SLC9A6: variants seen among roughly 807,000 people sequenced by gnomAD.
SLC9A6 encodes sodium/hydrogen exchanger 6.
SLC9A6 carries 6 observed loss-of-function variants against 45.3 expected under a neutral mutation model. That is an observed-to-expected ratio of 0.13 (90% CI 0.07 to 0.26). SLC9A6 has a LOEUF of 0.26. Ranked by LOEUF, SLC9A6 falls within the 10% of genes least tolerant of loss-of-function variation. The pLI is 1.00. For synonymous variants in SLC9A6, 191 were observed against 187.7 expected (o/e 1.02, Z -0.14); for missense variants, 278 against 503.7 (o/e 0.55, Z 4.29).
chrX:136,039,297 CAA>C (rs781946482), intron 16 of SLC9A6, among the ~76,000 whole-genome samples: 12 of 86,303 alleles, frequency 1.4e-4, no homozygotes, highest in African/African-American at 2.1e-4. Context: ...GACACTGTCT[CAA>C]AAAAAAAAAA....
At chrX:136,015,142 C>A in intron 10 of SLC9A6, among the ~76,000 whole-genome samples, 1 of 113,134 alleles carries the variant, frequency 8.8e-6, no homozygotes, top group South Asian at 3.6e-4. Context: ...TCTTTCCATC[C>A]ATTTTTAATT....
At chrX:136,019,350 C>T (rs1266838171) in intron 11 of SLC9A6, among the ~76,000 whole-genome samples, 1 of 112,456 alleles carries the variant, frequency 8.9e-6, no homozygotes, top group East Asian at 2.8e-4. Flanking sequence ...TCACCCCTGT[C>T]TGCCCGTTGC....
chrX:136,041,887 G>C (rs2071517691), intron 17 of SLC9A6, among the ~76,000 whole-genome samples: 1 of 111,593 alleles, frequency 9.0e-6, no homozygotes, highest in Non-Finnish European at 1.9e-5. Context: ...TCTAACTCCT[G>C]GTGGCTTCCT....
At chrX:135,976,492 C>T in intron 1 of SLC9A6, among the ~76,000 whole-genome samples, 1 of 109,527 alleles carries the variant, frequency 9.1e-6, no homozygotes, top group Admixed American at 9.8e-5. Flanking sequence ...ATTCCAGCTA[C>T]TCAGGAGGCT....
chrX:136,011,214 T>C (rs1417187958), intron 8 of SLC9A6, among the ~76,000 whole-genome samples: 2 of 112,333 alleles, frequency 1.8e-5, no homozygotes, highest in Non-Finnish European at 3.8e-5. Flanking sequence ...GCATCCTGAA[T>C]CTATAAAAAC....
intron 17 of SLC9A6, among the ~76,000 whole-genome samples, chrX:136,043,419 C>T (rs1556622952): frequency 8.9e-6 from 1 of 111,760 alleles, no homozygotes; most frequent in African/African-American, 3.3e-5. Flanking sequence ...TTTCTAGCAA[C>T]AGCAGATTAA....
upstream of SLC9A6, among the ~76,000 whole-genome samples, chrX:135,984,365 C>T (rs782308386): frequency 3.0e-4 from 34 of 111,674 alleles, no homozygotes; most frequent in African/African-American, 1.1e-3. Context: ...GTGGTAGGAG[C>T]CTCAACAGGG....
At chrX:136,028,450 T>C (rs1407508384) in intron 13 of SLC9A6, among the ~76,000 whole-genome samples, 1 of 112,294 alleles carries the variant, frequency 8.9e-6, no homozygotes, top group African/African-American at 3.2e-5. Context: ...GTTTAATTCA[T>C]TTCTATGCCC....
intron 16 of SLC9A6, among the ~76,000 whole-genome samples, chrX:136,037,640 G>A (rs2071433632): frequency 8.9e-6 from 1 of 111,762 alleles, no homozygotes; most frequent in Non-Finnish European, 1.9e-5. Context: ...GCACAATCTC[G>A]GCTCACTGCA....
In SLC9A6 at chrX:136,013,487, A is replaced by G. The variant is rs782635455; in HGVS notation, c.1080+50A>G. 5.6e-6 allele frequency: 5 copies of G among 900,586 alleles called. No homozygotes were observed. In the South Asian group the frequency reaches 8.1e-5, roughly 15 times the overall value. 74.2% of individuals were successfully genotyped at this position (900,586 alleles called of 1,213,427 possible). A position where few individuals can be genotyped will look rare whatever the true frequency, so the allele number is the denominator to read the frequency against. On this transcript the variant is annotated intron_variant, in intron 10 of 17. Coordinates refer to ENST00000630721, the MANE Select transcript of SLC9A6 (RefSeq NM_001379110.1). Reference sequence around the variant, plus strand: ...AATAGGCTTTTCCTTCTTTCAGCAAAATAGAAGTCTTTTTTACTAAAAAAA... The same window carrying G: ...AATAGGCTTTTCCTTCTTTCAGCAAGATAGAAGTCTTTTTTACTAAAAAAA...
upstream of SLC9A6, chrX:135,973,849 C>T: frequency 8.6e-7 from 1 of 1,160,614 alleles, no homozygotes; most frequent in Middle Eastern, 2.3e-4. Context: ...ACAGGAATGC[C>T]GGGAAGAAGC....
intron 1 of SLC9A6, among the ~76,000 whole-genome samples, chrX:135,975,800 A>G (rs2089258030): frequency 9.0e-6 from 1 of 111,033 alleles, no homozygotes; most frequent in Admixed American, 9.6e-5. Flanking sequence ...AGCTTCCTCA[A>G]AGCTGGAAAA....
intron 7 of SLC9A6, among the ~76,000 whole-genome samples, chrX:136,004,592 A>G (rs942096410): frequency 3.8e-4 from 43 of 112,228 alleles, no homozygotes; most frequent in African/African-American, 1.1e-3. Context: ...GTCTTCTGCA[A>G]AGTTGGAAAT....
upstream of SLC9A6, among the ~76,000 whole-genome samples, chrX:135,980,401 T>A (rs2089281394): frequency 9.1e-6 from 1 of 110,127 alleles, no homozygotes; most frequent in Non-Finnish European, 1.9e-5. Flanking sequence ...AATGACTGTG[T>A]TGACTAAACT....
At chrX:136,039,311 AT>A (rs1250241661) in intron 16 of SLC9A6, among the ~76,000 whole-genome samples, 8 of 110,734 alleles carry the variant, frequency 7.2e-5, no homozygotes, top group African/African-American at 2.6e-4. Context: ...AAAAAAAAAA[AT>A]AAATGAATAA....
At chrX:135,974,818 G>A (rs2089252756) in intron 1 of SLC9A6, 1 of 303,429 alleles carries the variant, frequency 3.3e-6, no homozygotes, top group Admixed American at 3.6e-5. Flanking sequence ...AAGAGGTGTA[G>A]CGCGGGGGGA....
chrX:135,984,321 A>C (rs2089303195), upstream of SLC9A6, among the ~76,000 whole-genome samples: 1 of 111,759 alleles, frequency 8.9e-6, no homozygotes, highest in Non-Finnish European at 1.9e-5. Flanking sequence ...CTCATTTCAA[A>C]TGAGCTCATT....
upstream of SLC9A6, chrX:135,974,001 C>A: frequency 1.3e-6 from 1 of 770,532 alleles, no homozygotes; most frequent in Non-Finnish European, 1.7e-6. Flanking sequence ...AGGGCGCCGG[C>A]AAATGGGGGC....
intron 7 of SLC9A6, among the ~76,000 whole-genome samples, chrX:136,008,749 G>T (rs782152283): frequency 1.8e-5 from 2 of 111,213 alleles, no homozygotes; most frequent in African/African-American, 6.5e-5. Flanking sequence ...TACTTTCAGG[G>T]TTTAAAAAAA....
Sources: allele counts gnomAD v4.1 joint callset (sites outside exome capture counted in the v4.1 genomes callset), GRCh38; gene constraint gnomAD v4.1.1; transcripts MANE v1.5; gene names NCBI Gene and HGNC (gene_info 2026-07-23, HGNC 2026-07-21).